The following ARSG variants were observed in gnomAD, a reference collection of about 807,000 sequenced individuals.
ARSG encodes the protein ASG.
In ARSG, 37 loss-of-function variants were observed where a neutral mutation model predicts 50.5. The observed-to-expected ratio is 0.73, with a 90% CI of 0.56 to 0.96. ARSG has a LOEUF of 0.96. Among genes scored for constraint, ARSG ranks in the 50% least tolerant of loss-of-function variants. The pLI is 0.00. For missense variants in ARSG, 629 were observed against 675.3 expected (o/e 0.93, Z 0.76); for synonymous variants, 225 against 254.6 (o/e 0.88, Z 1.11).
At chr17:68,424,542 C>T (rs765949725), downstream of ARSG, 1 of 531,290 alleles carries the variant, frequency 1.9e-6, no homozygotes, top group Admixed American at 2.0e-5. Context: ...GTGGCAGCTC[C>T]TCTCTGGCTC....
chr17:68,335,777 T>C (rs1054001092), intron 2 of ARSG, among the ~76,000 whole-genome samples: 1 of 152,030 alleles, frequency 6.6e-6, no homozygotes, highest in Non-Finnish European at 1.5e-5. Context: ...ACATTCCCAG[T>C]GGGGAGAACA....
At chr17:68,385,971 C>T (rs1157580686) in intron 9 of ARSG, among the ~76,000 whole-genome samples, 1 of 152,168 alleles carries the variant, frequency 6.6e-6, no homozygotes, top group African/African-American at 2.4e-5. Flanking sequence ...TGAAGACATT[C>T]CTCCTGCCTC....
intron 2 of ARSG, among the ~76,000 whole-genome samples, chr17:68,315,101 T>A (rs2077019735): frequency 6.6e-6 from 1 of 152,220 alleles, no homozygotes; most frequent in South Asian, 2.1e-4. Flanking sequence ...TGAGGTTAAG[T>A]AACACGCCCA....
intron 1 of ARSG, among the ~76,000 whole-genome samples, chr17:68,301,073 G>C (rs1259502654): frequency 1.3e-5 from 2 of 149,878 alleles, no homozygotes; most frequent in Non-Finnish European, 3.0e-5. Context: ...AGCCGAGATC[G>C]CACCACTGCA....
At chr17:68,300,555 T>C (rs1270763752) in intron 1 of ARSG, among the ~76,000 whole-genome samples, 3 of 152,162 alleles carry the variant, frequency 2.0e-5, no homozygotes, top group Admixed American at 1.3e-4. Context: ...AAGTGGAGGA[T>C]AGACTTTTAG....
intron 1 of ARSG, among the ~76,000 whole-genome samples, chr17:68,277,318 G>A (rs782459182): frequency 2.0e-5 from 3 of 151,992 alleles, no homozygotes; most frequent in Non-Finnish European, 4.4e-5. Context: ...TTTTAGTAGA[G>A]AGGGGGTTTC....
At position 68,356,736 on chromosome 17, in the gene ARSG, G is replaced by A; in HGVS notation, c.636G>A (p.Gln212=). 1 of 1,614,192 alleles carries A rather than the reference G, an allele frequency of 6.2e-7. No homozygotes were observed. The highest frequency in any genetic ancestry group is 2.2e-5 in the East Asian group (1 of 44,876). Residue 212 remains glutamine, a synonymous_variant, in exon 6 of 12, where the codon CAG becomes CAA. Coordinates refer to ENST00000621439, the MANE Select transcript of ARSG (RefSeq NM_001267727.2). ...PLYENLNIVE[Q]PVNLSSLAQK... Reference sequence around the variant, plus strand: ...ATGAAAACCTCAACATTGTGGAGCAGCCGGTGAACTTGAGCAGCCTTGCCC... The same window carrying A: ...ATGAAAACCTCAACATTGTGGAGCAACCGGTGAACTTGAGCAGCCTTGCCC...
At chr17:68,356,914 G>A in intron 6 of ARSG, 110 bp downstream of exon 6, 1 of 1,374,930 alleles carries the variant, frequency 7.3e-7, no homozygotes, top group Non-Finnish European at 1.0e-6. Flanking sequence ...GAGTTTTGCT[G>A]CTCAGCAGAG....
At chr17:68,407,875 CTT>C (rs1441511046) in intron 11 of ARSG, among the ~76,000 whole-genome samples, 1 of 152,028 alleles carries the variant, frequency 6.6e-6, no homozygotes, top group Admixed American at 6.6e-5. Flanking sequence ...ACTTCTTTCT[CTT>C]GTCTTGCTCT....
chr17:68,442,679 C>T, the ARSG span, among the ~76,000 whole-genome samples: 1 of 152,152 alleles, frequency 6.6e-6, no homozygotes, highest in African/African-American at 2.4e-5. Flanking sequence ...GAAGGCCCAG[C>T]TCAGGCCCTG....
chr17:68,375,799 C>G (rs1002469700), intron 8 of ARSG, among the ~76,000 whole-genome samples: 2 of 152,088 alleles, frequency 1.3e-5, no homozygotes, highest in African/African-American at 4.8e-5. Context: ...CCTAGAGCTG[C>G]CCCTGTGTCT....
In ARSG at chr17:68,293,492, CTAATAATAA is replaced by C. The variant is rs10570607; in HGVS notation, c.-552+1942_-552+1950del. ...AACCTGGCTTTTGGGGAGCATGATTCTAATAATAATAATAATAATAATAATAGATTTTTG... is the reference window on the plus strand; with the variant it reads ...AACCTGGCTTTTGGGGAGCATGATTCTAATAATAATAATAATAGATTTTTG... On this transcript the variant is annotated intron_variant, in intron 1 of 11. Coordinates refer to ENST00000621439, the MANE Select transcript of ARSG (RefSeq NM_001267727.2). Among the ~76,000 whole-genome samples, 10 of 150,648 alleles carry C rather than the reference CTAATAATAA, an allele frequency of 6.6e-5. No individual in the cohort carries two copies. The South Asian group carries it at 8.4e-4, about 13-fold the overall frequency.
At chr17:68,306,248 C>T (rs558694310) in intron 1 of ARSG, among the ~76,000 whole-genome samples, 9 of 152,144 alleles carry the variant, frequency 5.9e-5, no homozygotes, top group East Asian at 3.9e-4. Context: ...GTGATCCGCC[C>T]GCCTTGACCT....
chr17:68,399,840 G>A lies in ARSG; in HGVS notation c.1213-1520G>A, dbSNP rs2081397412. ...TATCAGTTGACAATAGATTTTCCAAGTCTCCCACTTCCTGCTGTCTCAAGA... is the reference window on the plus strand; with the variant it reads ...TATCAGTTGACAATAGATTTTCCAAATCTCCCACTTCCTGCTGTCTCAAGA... On this transcript the variant is annotated intron_variant, in intron 10 of 11. Coordinates refer to ENST00000621439, the MANE Select transcript of ARSG (RefSeq NM_001267727.2). The surrounding 1 kb of genome is among the most constrained non-coding windows in gnomAD (Gnocchi z 4.6). Among the ~76,000 whole-genome samples the A allele has an allele frequency of 6.6e-6, 1 of 152,228 alleles. No homozygotes were observed. Among genetic ancestry groups the A allele is most frequent in the African/African-American group, 2.4e-5 (1 of 41,456 alleles).
chr17:68,394,914 T>C (rs1161291149), intron 9 of ARSG, among the ~76,000 whole-genome samples, 159 bp from the exon 10 acceptor site: 3 of 151,844 alleles, frequency 2.0e-5, no homozygotes, highest in African/African-American at 7.3e-5. Flanking sequence ...GAAATCCAGG[T>C]GGAACTGAAA....
At chr17:68,269,874 T>C (rs1555747886) in intron 1 of ARSG, among the ~76,000 whole-genome samples, 1 of 151,974 alleles carries the variant, frequency 6.6e-6, no homozygotes, top group Non-Finnish European at 1.5e-5. Context: ...GGTTTTGCCA[T>C]GTTGGCCAGG....
chr17:68,339,310 A>G (rs370254373), intron 2 of ARSG, among the ~76,000 whole-genome samples: 16 of 152,236 alleles, frequency 1.1e-4, no homozygotes, highest in African/African-American at 3.6e-4. Context: ...AAAGAGAAAA[A>G]TAAATAAAAA....
chr17:68,320,822 G>A (rs1170337230), intron 2 of ARSG, among the ~76,000 whole-genome samples: 1 of 152,206 alleles, frequency 6.6e-6, no homozygotes, highest in Non-Finnish European at 1.5e-5. Context: ...ACTCAGAATT[G>A]TGGCAATGGA....
intron 11 of ARSG, 90 bp from the exon 12 acceptor site, chr17:68,420,099 A>T: frequency 6.9e-7 from 1 of 1,442,790 alleles, no homozygotes; most frequent in Non-Finnish European, 9.5e-7. Context: ...GGTATGTTTG[A>T]ATTAATGTAG....
Sources: allele counts gnomAD v4.1 joint callset (sites outside exome capture counted in the v4.1 genomes callset), GRCh38; gene constraint gnomAD v4.1.1; non-coding constraint Gnocchi (gnomAD v3.1); transcripts MANE v1.5; gene names NCBI Gene and HGNC (gene_info 2026-07-23, HGNC 2026-07-21).